Variants in PEX5L observed in about 807,000 individuals in gnomAD.
PEX5L encodes PEX5-related protein.
In PEX5L, 30 loss-of-function variants were observed where a neutral mutation model predicts 84.0. The ratio of observed to expected loss-of-function variants is 0.36; its 90% CI spans 0.27 to 0.48. The LOEUF is 0.48. PEX5L is among the 20% of genes least tolerant of loss of function. The probability of loss-of-function intolerance (pLI) is 0.99; values close to 1 mark genes in which losing one functional copy is unlikely to be tolerated. For missense variants in PEX5L, 533 were observed against 754.6 expected, an observed-to-expected ratio of 0.71 and a Z score of 3.44; for synonymous variants, 270 against 283.1, an observed-to-expected ratio of 0.95 and a Z score of 0.46.
chr3:179,906,791 G>A (rs1440333615), intron 2 of PEX5L, among the ~76,000 whole-genome samples: 1 of 152,064 alleles, frequency 6.6e-6, no homozygotes. Context: ...TAAAAATTCT[G>A]CCCTGCCTCC....
intron 2 of PEX5L, among the ~76,000 whole-genome samples, chr3:179,933,187 T>C (rs1052476267): frequency 1.3e-5 from 2 of 152,262 alleles, no homozygotes; most frequent in Non-Finnish European, 2.9e-5. Flanking sequence ...TATCTTGAAT[T>C]GTTTTTAGCA....
intron 8 of PEX5L, among the ~76,000 whole-genome samples, chr3:179,855,125 A>G (rs1005063205): frequency 2.0e-5 from 3 of 152,330 alleles, no homozygotes; most frequent in East Asian, 1.9e-4. Context: ...CAGAAGCCAA[A>G]ACACCTGGAG....
At chr3:179,858,460 CTCTT>C (rs1335601434) in intron 8 of PEX5L, among the ~76,000 whole-genome samples, 1 of 151,946 alleles carries the variant, frequency 6.6e-6, no homozygotes, top group Non-Finnish European at 1.5e-5. Flanking sequence ...TTCTCTCTCT[CTCTT>C]TCTTATTAGA....
At chr3:179,873,160 G>T (rs1015027351) in intron 7 of PEX5L, among the ~76,000 whole-genome samples, 1 of 152,026 alleles carries the variant, frequency 6.6e-6, no homozygotes, top group African/African-American at 2.4e-5. Context: ...GTGGGTCCGC[G>T]GACAAGTTTC....
chr3:179,852,712 A>AT, intron 8 of PEX5L, among the ~76,000 whole-genome samples: 1 of 152,130 alleles, frequency 6.6e-6, no homozygotes, highest in Non-Finnish European at 1.5e-5. Context: ...ATACATCCTC[A>AT]TTTTTTCTCA....
rs6776933 is a variant in PEX5L, at chr3:179,835,227, G to A, written c.823-15251C>T. Reference sequence around the variant, plus strand: ...ACCAAGTCAGAAAACATACACTCTTGTCCTGGTGCTACCACTCCCCTAGAG... The same window carrying A: ...ACCAAGTCAGAAAACATACACTCTTATCCTGGTGCTACCACTCCCCTAGAG... On this transcript the variant is annotated intron_variant, in intron 8 of 14. Coordinates refer to ENST00000467460, the MANE Select transcript of PEX5L (RefSeq NM_016559.3). Among the ~76,000 whole-genome samples, 158 of 152,316 alleles carry A rather than the reference G, an allele frequency of 1.0e-3. 1 individual carries two copies. In the East Asian group the frequency reaches 0.013, roughly 13 times the overall value.
intron 7 of PEX5L, among the ~76,000 whole-genome samples, chr3:179,862,592 A>T (rs1746605696): frequency 6.6e-6 from 1 of 152,136 alleles, no homozygotes; most frequent in Non-Finnish European, 1.5e-5. Flanking sequence ...AACCAACTCT[A>T]TTGTCTTCCT....
At chr3:179,885,786 A>G (rs1285562493) in intron 4 of PEX5L, among the ~76,000 whole-genome samples, 2 of 152,170 alleles carry the variant, frequency 1.3e-5, no homozygotes, top group Admixed American at 6.5e-5. Context: ...AAATTAGAAG[A>G]GAGGCCTGGA....
intron 1 of PEX5L, among the ~76,000 whole-genome samples, chr3:179,986,471 C>G (rs1028333562): frequency 2.1e-5 from 3 of 145,696 alleles, no homozygotes; most frequent in Non-Finnish European, 4.5e-5. Context: ...GGCGCGATCT[C>G]GGCTCACCGC....
At chr3:179,959,360 A>G (rs1479011329) in intron 2 of PEX5L, among the ~76,000 whole-genome samples, 4 of 152,166 alleles carry the variant, frequency 2.6e-5, no homozygotes, top group African/African-American at 7.2e-5. Context: ...TGCTCCTGGG[A>G]GCCCTTGGTT....
intron 7 of PEX5L, among the ~76,000 whole-genome samples, chr3:179,865,408 CTT>C (rs1287754151): frequency 6.6e-6 from 1 of 152,018 alleles, no homozygotes; most frequent in Non-Finnish European, 1.5e-5. Context: ...GATCCTGAAA[CTT>C]TTCTGCAACT....
At chr3:179,908,405 G>A (rs1334020641) in intron 2 of PEX5L, among the ~76,000 whole-genome samples, 3 of 152,116 alleles carry the variant, frequency 2.0e-5, no homozygotes, top group Non-Finnish European at 2.9e-5. Flanking sequence ...TCAGAAGAGA[G>A]GAGTTTCAAT....
chr3:179,871,103 T>C (rs58460023), intron 7 of PEX5L, among the ~76,000 whole-genome samples: 36,395 of 136,346 alleles, frequency 0.27, 5,465 homozygotes, highest in East Asian at 0.61. Flanking sequence ...AGTTATACTT[T>C]TTTTTTTTTT....
At chr3:179,858,789 C>G (rs76363394) in intron 8 of PEX5L, among the ~76,000 whole-genome samples, 2 of 152,202 alleles carry the variant, frequency 1.3e-5, no homozygotes, top group African/African-American at 4.8e-5. Flanking sequence ...TCTTTCTGAC[C>G]CAGGACTCCT....
rs55932679 is a variant in PEX5L at position 179,955,434 on chromosome 3, CTTT to C, written c.93+16157_93+16159del. On this transcript the variant is annotated intron_variant, in intron 2 of 14. Transcript: ENST00000467460. ...TTGTGTTTTGAGCGATGTTATGTGA[CTTT>C]TTTTTTTTTGCTGAAGACTCACTAT... Among the ~76,000 whole-genome samples, 41 of 139,882 alleles carry C rather than the reference CTTT, an allele frequency of 2.9e-4. No individual in the cohort carries two copies. The South Asian group carries it at 4.6e-3, about 16-fold the overall frequency. 91.8% of individuals were successfully genotyped at this position (139,882 alleles called of 152,430 possible).
rs371055061 is a variant in PEX5L at position 179,996,723 on chromosome 3, A to G, written c.22-25058T>C. Among the ~76,000 whole-genome samples the G allele has an allele frequency of 2.8e-3, 427 of 152,292 alleles. 1 individual carries two copies. The highest frequency in any genetic ancestry group is 9.5e-3 in the African/African-American group (394 of 41,564). ...CCATGGGAACTGCAGTCACTCAACT[A>G]CAAAATTTAAATACAATGGGAATAA... On this transcript the variant is annotated intron_variant, in intron 1 of 14. Transcript: ENST00000467460.
chr3:179,816,596 GGGCTAGGGGA>G (rs987284188), intron 9 of PEX5L, among the ~76,000 whole-genome samples: 8 of 152,218 alleles, frequency 5.3e-5, no homozygotes, highest in South Asian at 2.1e-4. Context: ...GAGGGGTCGG[GGGCTAGGGGA>G]GGGATAGCAA....
At chr3:179,844,494 G>C (rs1738504950) in intron 8 of PEX5L, among the ~76,000 whole-genome samples, 1 of 152,176 alleles carries the variant, frequency 6.6e-6, no homozygotes, top group Non-Finnish European at 1.5e-5. Flanking sequence ...ACTGTCTTTA[G>C]AAGACCAAAT....
At chr3:179,804,664 T>C (rs1403188901) in intron 14 of PEX5L, among the ~76,000 whole-genome samples, 1 of 152,216 alleles carries the variant, frequency 6.6e-6, no homozygotes, top group African/African-American at 2.4e-5. Context: ...CACCGACACC[T>C]GCAGTTCTTG....
Sources: allele counts gnomAD v4.1 joint callset (sites outside exome capture counted in the v4.1 genomes callset), GRCh38; gene constraint gnomAD v4.1.1; transcripts MANE v1.5; gene names NCBI Gene and HGNC (gene_info 2026-07-23, HGNC 2026-07-21).